Variants in RBFOX1 observed in about 807,000 individuals in gnomAD.
RBFOX1 encodes the protein RNA binding fox-1 homolog 1.
In RBFOX1, 8 loss-of-function variants were observed where a neutral mutation model predicts 57.7. The observed-to-expected ratio is 0.14, with a 90% confidence interval of 0.08 to 0.25. RBFOX1 has a LOEUF of 0.25. Among genes scored for constraint, RBFOX1 ranks in the 10% least tolerant of loss-of-function variants. The pLI, the probability that RBFOX1 is intolerant of heterozygous loss-of-function variation, is 1.00. For missense variants in RBFOX1, 611 were observed against 548.5 expected (o/e 1.11, Z -1.14); for synonymous variants, 326 against 222.4 (o/e 1.47, Z -4.15).
At chr16:5,954,265 C>G (rs2059580111) in intron 4 of RBFOX1, among the ~76,000 whole-genome samples, 1 of 152,152 alleles carries the variant, frequency 6.6e-6, no homozygotes, top group East Asian at 1.9e-4. Flanking sequence ...TGACAGACCC[C>G]CACCCACCCA....
At chr16:7,531,707 T>A (rs2080119971) in intron 5 of RBFOX1, among the ~76,000 whole-genome samples, 1 of 152,210 alleles carries the variant, frequency 6.6e-6, no homozygotes, top group African/African-American at 2.4e-5. Context: ...AACATAGGCC[T>A]GGCAGATTCC....
intron 3 of RBFOX1, among the ~76,000 whole-genome samples, chr16:5,695,254 G>A (rs2050811999): frequency 6.6e-6 from 1 of 152,070 alleles, no homozygotes; most frequent in Non-Finnish European, 1.5e-5. Flanking sequence ...CAAAAGTGGA[G>A]TGGATAATTT....
rs1317870003 is a variant in RBFOX1, at chr16:7,201,516, C to G, written c.27+149418C>G. 3.3e-5 allele frequency among the ~76,000 whole-genome samples: 5 copies of G among 150,980 alleles called. No individual in the cohort carries two copies. The South Asian group carries it at 6.3e-4, about 19-fold the overall frequency. On this transcript the variant is annotated intron_variant, in intron 4 of 15. Transcript: ENST00000550418. ...TGCTCTTGTCGCCCAGGCTGGAGTG[C>G]AATGGCACAATCTGGGCTCACTGCA...
At chr16:7,395,531 A>T (rs1334865945) in intron 4 of RBFOX1, among the ~76,000 whole-genome samples, 1 of 152,248 alleles carries the variant, frequency 6.6e-6, no homozygotes, top group African/African-American at 2.4e-5. Flanking sequence ...CTCTTGAGTT[A>T]CAAAGAAGCA....
At position 7,651,204 on chromosome 16, in the gene RBFOX1, T is replaced by G. The variant is rs142223083; in HGVS notation, c.758-2611T>G. On this transcript the variant is annotated intron_variant, in intron 11 of 15. Transcript: ENST00000550418. ...GGTAGAATCCATAGAACAGGACGGC[T>G]GTGGGACCTTTAAGAACACACAGAA... Among the ~76,000 whole-genome samples the G allele has an allele frequency of 2.0e-3, 302 of 152,330 alleles. 1 individual carries two copies. The highest frequency in any genetic ancestry group is 6.8e-3 in the African/African-American group (284 of 41,580).
chr16:5,907,721 TATCATCATCATC>T (rs34447124), intron 4 of RBFOX1, among the ~76,000 whole-genome samples: 60 of 146,220 alleles, frequency 4.1e-4, no homozygotes, highest in African/African-American at 5.7e-4. Context: ...GGAGACTATT[TATCATCATCATC>T]ATCATCATCA....
intron 4 of RBFOX1, among the ~76,000 whole-genome samples, chr16:7,308,960 G>T (rs1029678206): frequency 1.9e-4 from 29 of 152,144 alleles, no homozygotes; most frequent in African/African-American, 7.0e-4. Flanking sequence ...TTTCTTTTTG[G>T]CTTAATCCCG....
chr16:6,351,212 G>C lies in RBFOX1; in HGVS notation c.-64+34155G>C, dbSNP rs184836656. Among the ~76,000 whole-genome samples, 6 of 151,244 alleles carry C rather than the reference G, an allele frequency of 4.0e-5. No homozygotes were observed. The East Asian group carries it at 5.8e-4, about 15-fold the overall frequency. On this transcript the variant is annotated intron_variant, in intron 2 of 15. Transcript: ENST00000550418. ...GAGAATATTTTCATGTGTGCGGATA[G>C]TAAATATACAACTGTGTAATTATAT...
intron 3 of RBFOX1, among the ~76,000 whole-genome samples, chr16:6,712,722 C>T (rs1013154851): frequency 5.9e-5 from 9 of 152,114 alleles, no homozygotes; most frequent in African/African-American, 2.2e-4. Flanking sequence ...CTTCTCCCCA[C>T]CTCCCCTCCT....
chr16:7,463,258 C>T (rs959675436), intron 4 of RBFOX1, among the ~76,000 whole-genome samples: 7 of 152,144 alleles, frequency 4.6e-5, no homozygotes, highest in African/African-American at 1.2e-4. Flanking sequence ...AATCCCAGCA[C>T]TTTGGGAGGC....
At chr16:6,771,306 C>G (rs1432565403) in intron 3 of RBFOX1, among the ~76,000 whole-genome samples, 1 of 152,106 alleles carries the variant, frequency 6.6e-6, no homozygotes, top group South Asian at 2.1e-4. Context: ...TTACGGCAGC[C>G]CTGGCAAGCT....
At chr16:7,213,712 A>G (rs1171839713) in intron 4 of RBFOX1, among the ~76,000 whole-genome samples, 1 of 152,184 alleles carries the variant, frequency 6.6e-6, no homozygotes, top group Non-Finnish European at 1.5e-5. Flanking sequence ...CAAGGGACCG[A>G]GGTTCCAGAA....
At chr16:5,346,704 C>T (rs1397926207) in intron 1 of RBFOX1, among the ~76,000 whole-genome samples, 1 of 152,130 alleles carries the variant, frequency 6.6e-6, no homozygotes, top group Non-Finnish European at 1.5e-5. Context: ...TTGCTGTTTT[C>T]TAAGGCATGA....
intron 4 of RBFOX1, among the ~76,000 whole-genome samples, chr16:7,370,866 T>G (rs2147288931): frequency 6.6e-6 from 1 of 152,318 alleles, no homozygotes. Context: ...AACACTGACA[T>G]TTATGCATAA....
chr16:7,023,433 C>T (rs1043035729), intron 3 of RBFOX1, among the ~76,000 whole-genome samples: 2 of 150,582 alleles, frequency 1.3e-5, no homozygotes, highest in Non-Finnish European at 2.9e-5. Context: ...GAATTCTAGC[C>T]TGGATGACAG....
intron 1 of RBFOX1, among the ~76,000 whole-genome samples, chr16:6,261,443 T>C (rs1307786467): frequency 6.6e-6 from 1 of 152,170 alleles, no homozygotes; most frequent in African/African-American, 2.4e-5. Context: ...TGTCAGATGA[T>C]GAGTGTGATT....
intron 4 of RBFOX1, among the ~76,000 whole-genome samples, chr16:7,222,988 G>A (rs913155358): frequency 6.6e-6 from 1 of 152,148 alleles, no homozygotes; most frequent in African/African-American, 2.4e-5. Flanking sequence ...CATCTGGGCT[G>A]CATGGTCAGA....
At position 6,478,638 on chromosome 16, in the gene RBFOX1, C is replaced by T. The variant is rs549568725; in HGVS notation, c.-64+161581C>T. On this transcript the variant is annotated intron_variant, in intron 2 of 15. Coordinates refer to ENST00000550418, the MANE Select transcript of RBFOX1 (RefSeq NM_018723.4). ...TAAAGTGAGAGGTGTGTGGCTCTTC[C>T]TTTCACCTGAACACTTAGAGGCTAT... Among the ~76,000 whole-genome samples, 538 of 151,278 alleles carry T rather than the reference C, an allele frequency of 3.6e-3. 3 individuals carry two copies. Among genetic ancestry groups the T allele is most frequent in the African/African-American group, 0.013 (516 of 41,152 alleles).
At chr16:6,379,739 G>C (rs1048156763) in intron 2 of RBFOX1, among the ~76,000 whole-genome samples, 1 of 151,536 alleles carries the variant, frequency 6.6e-6, no homozygotes, top group African/African-American at 2.4e-5. Flanking sequence ...GAATATGCCA[G>C]AGACAGGTGG....
Sources: allele counts gnomAD v4.1 joint callset (sites outside exome capture counted in the v4.1 genomes callset), GRCh38; gene constraint gnomAD v4.1.1; transcripts MANE v1.5; gene names NCBI Gene and HGNC (gene_info 2026-07-23, HGNC 2026-07-21).